The following CIMAP2 variants were observed in gnomAD, a reference collection of about 807,000 sequenced individuals.
The protein encoded by CIMAP2 is ciliary microtubule-associated protein 2.
chr1:54,806,906 G>T, the CIMAP2 span: 8 of 1,200,074 alleles, frequency 6.7e-6, no homozygotes, highest in East Asian at 1.4e-4. Context: ...TCACCTTCCC[G>T]GGCAGCCAAC....
chr1:54,807,682 C>T, the CIMAP2 span: 142 of 1,595,016 alleles, frequency 8.9e-5, 1 homozygote, highest in Middle Eastern at 1.0e-3. Flanking sequence ...GAAAGAGAAG[C>T]GGCTGAAGGT....
chr1:54,808,792 C>T, the CIMAP2 span, among the ~76,000 whole-genome samples: 1 of 151,936 alleles, frequency 6.6e-6, no homozygotes, highest in African/African-American at 2.4e-5. Flanking sequence ...AGTAAGGGCA[C>T]GAGGGAGAAA....
At chr1:54,813,791 T>TC in the CIMAP2 span, 1 of 1,580,244 alleles carries the variant, frequency 6.3e-7, no homozygotes, top group African/African-American at 1.4e-5. Context: ...CATAGCAGAT[T>TC]CCTTTTTCTC....
the CIMAP2 span, chr1:54,807,136 T>G: frequency 6.5e-7 from 1 of 1,528,992 alleles, no homozygotes; most frequent in Non-Finnish European, 9.1e-7. Flanking sequence ...CCACTGCCCC[T>G]TCGAGCTGCC....
the CIMAP2 span, among the ~76,000 whole-genome samples, chr1:54,819,870 TTTC>T: frequency 6.9e-6 from 1 of 145,642 alleles, no homozygotes; most frequent in Non-Finnish European, 1.5e-5. Context: ...CCTTCCTCTC[TTTC>T]TTCCTTTCTT....
At chr1:54,835,230 C>T in the CIMAP2 span, among the ~76,000 whole-genome samples, 4 of 152,176 alleles carry the variant, frequency 2.6e-5, no homozygotes, top group Admixed American at 6.5e-5. Flanking sequence ...CTTGCTCTGT[C>T]ACCCAGGGTG....
chr1:54,824,569 T>TA, the CIMAP2 span, among the ~76,000 whole-genome samples: 1 of 152,010 alleles, frequency 6.6e-6, no homozygotes, highest in African/African-American at 2.4e-5. Context: ...CTTAATCTTG[T>TA]AATTTTTTTT....
the CIMAP2 span, chr1:54,817,091 C>G: frequency 6.2e-7 from 1 of 1,614,200 alleles, no homozygotes; most frequent in African/African-American, 1.3e-5. Flanking sequence ...CAAACGCTAC[C>G]TCTCAGACCT....
chr1:54,806,950 C>A, the CIMAP2 span: 1 of 1,556,316 alleles, frequency 6.4e-7, no homozygotes, highest in Non-Finnish European at 8.9e-7. Flanking sequence ...ACGCCAGGGC[C>A]AGGTGCCAGG....
the CIMAP2 span, among the ~76,000 whole-genome samples, chr1:54,816,135 G>C: frequency 6.6e-6 from 1 of 152,232 alleles, no homozygotes; most frequent in Non-Finnish European, 1.5e-5. Context: ...AAGTGGGAAG[G>C]GCTGATGTGA....
the CIMAP2 span, among the ~76,000 whole-genome samples, chr1:54,824,774 T>C: frequency 6.6e-6 from 1 of 152,020 alleles, no homozygotes; most frequent in African/African-American, 2.4e-5. Flanking sequence ...ATTCAGATCA[T>C]CAATTGTTTT....
the CIMAP2 span, among the ~76,000 whole-genome samples, chr1:54,819,849 TTTCC>T: frequency 6.2e-5 from 7 of 113,010 alleles, no homozygotes; most frequent in South Asian, 3.0e-4. Flanking sequence ...TCTTTCTTTC[TTTCC>T]TTCCTTCCTT....
At chr1:54,840,486 C>T in the CIMAP2 span, among the ~76,000 whole-genome samples, 3 of 152,266 alleles carry the variant, frequency 2.0e-5, no homozygotes, top group East Asian at 5.8e-4. Flanking sequence ...TTTTATTTCT[C>T]TCTGGTAAAT....
the CIMAP2 span, among the ~76,000 whole-genome samples, chr1:54,833,312 C>T: frequency 3.3e-5 from 5 of 152,154 alleles, no homozygotes; most frequent in Admixed American, 1.3e-4. Context: ...CACATGGCTC[C>T]GACTCTGACC....
the CIMAP2 span, among the ~76,000 whole-genome samples, chr1:54,831,675 C>T: frequency 5.9e-5 from 9 of 151,948 alleles, no homozygotes; most frequent in Non-Finnish European, 1.3e-4. Context: ...AAGGGGAAGA[C>T]ATGCATGTAA....
the CIMAP2 span, among the ~76,000 whole-genome samples, chr1:54,825,556 G>A: frequency 6.6e-6 from 1 of 152,152 alleles, no homozygotes; most frequent in Non-Finnish European, 1.5e-5. Flanking sequence ...GGGGGTGCCA[G>A]GTGGGCTAGT....
chr1:54,826,198 C>T, the CIMAP2 span, among the ~76,000 whole-genome samples: 3 of 152,198 alleles, frequency 2.0e-5, no homozygotes, highest in African/African-American at 7.2e-5. Context: ...TGTGCAGCAG[C>T]TCTGCCACTG....
the CIMAP2 span, among the ~76,000 whole-genome samples, chr1:54,823,249 G>C: frequency 6.6e-6 from 1 of 151,800 alleles, no homozygotes; most frequent in Admixed American, 6.6e-5. Context: ...TAAGTGCTCT[G>C]GTGTTGAGTA....
chr1:54,811,765 G>GCCGGGGGGGGGGGCGGCCCCCC, the CIMAP2 span: 1 of 1,301,332 alleles, frequency 7.7e-7, no homozygotes. Flanking sequence ...GGTTCTGACA[G>GCCGGGGGGGGGGGCGGCCCCCC]CCTCCATGCC....
Sources: gnomAD v4.1 joint callset for allele counts (sites outside exome capture counted in the v4.1 genomes callset) on GRCh38, gnomAD v4.1.1 for gene constraint, MANE v1.5 for transcripts, NCBI Gene and HGNC (gene_info 2026-07-23, HGNC 2026-07-21) for gene names.